RMDN2: variants seen among roughly 807,000 people sequenced by gnomAD.
RMDN2 encodes the protein regulator of microtubule dynamics 2, also known as regulator of microtubule dynamics protein 2.
A neutral mutation model predicts 52.8 loss-of-function variants in RMDN2; 61 were observed. The observed-to-expected ratio is 1.16, with a 90% CI of 0.94 to 1.43. The LOEUF (loss-of-function observed/expected upper bound fraction) is 1.43. RMDN2 is among the 40% of genes most tolerant of loss of function. RMDN2 has a pLI of 0.00. For missense variants in RMDN2, 592 were observed against 475.3 expected (o/e 1.25, Z -2.28); for synonymous variants, 180 against 153.1 (o/e 1.18, Z -1.30).
chr2:38,012,617 G>A, intron 10 of RMDN2: 2 of 467,418 alleles, frequency 4.3e-6, no homozygotes. Flanking sequence ...GTCTCCATTT[G>A]TATTCTTAGC....
chr2:38,040,958 A>G (rs1573213674), intron 10 of RMDN2, among the ~76,000 whole-genome samples: 2 of 152,214 alleles, frequency 1.3e-5, no homozygotes, highest in South Asian at 2.1e-4. Flanking sequence ...TTACCTAGGT[A>G]TTTCATTTTT....
chr2:38,041,471 A>G (rs1254525162), intron 10 of RMDN2, among the ~76,000 whole-genome samples: 5 of 122,864 alleles, frequency 4.1e-5, no homozygotes, highest in African/African-American at 6.4e-5. Context: ...CAGGACTTCC[A>G]ATATGATGTT....
intron 5 of RMDN2, among the ~76,000 whole-genome samples, chr2:37,988,147 T>G (rs533027736): frequency 1.3e-5 from 2 of 152,358 alleles, no homozygotes; most frequent in East Asian, 3.9e-4. Context: ...TCAGTTTTGC[T>G]GAGAACCTAA....
intron 10 of RMDN2, among the ~76,000 whole-genome samples, chr2:38,037,012 CA>C (rs1336825598): frequency 6.6e-6 from 1 of 152,142 alleles, no homozygotes; most frequent in East Asian, 1.9e-4. Context: ...TTTGTCATTG[CA>C]GTTCATTTAT....
chr2:37,952,378 G>T, intron 2 of RMDN2: 1 of 592,302 alleles, frequency 1.7e-6, no homozygotes, highest in Admixed American at 3.2e-5. Flanking sequence ...AGTTTTGAAA[G>T]TTAGTTTACT....
intron 2 of RMDN2, among the ~76,000 whole-genome samples, chr2:37,938,591 G>A (rs899976421): frequency 6.5e-4 from 99 of 152,172 alleles, no homozygotes; most frequent in African/African-American, 1.9e-3. Flanking sequence ...TGGTCTATTC[G>A]GGGATTTGAC....
At chr2:38,060,277 C>T (rs1026724879) in intron 10 of RMDN2, among the ~76,000 whole-genome samples, 5 of 151,938 alleles carry the variant, frequency 3.3e-5, no homozygotes, top group African/African-American at 9.7e-5. Flanking sequence ...CCTTGATAGA[C>T]GTTTCCAGAG....
intron 2 of RMDN2, among the ~76,000 whole-genome samples, chr2:37,953,490 G>A (rs1669092379): frequency 6.6e-6 from 1 of 152,020 alleles, no homozygotes; most frequent in East Asian, 1.9e-4. Flanking sequence ...ATGTCCTCAA[G>A]CTTCATCCAT....
At chr2:37,949,619 T>C (rs1668538732) in intron 2 of RMDN2, among the ~76,000 whole-genome samples, 1 of 152,090 alleles carries the variant, frequency 6.6e-6, no homozygotes, top group Non-Finnish European at 1.5e-5. Context: ...AATCCGACCA[T>C]TGTATGGTGA....
chr2:38,009,693 G>T (rs934452705), intron 10 of RMDN2, among the ~76,000 whole-genome samples: 14 of 152,196 alleles, frequency 9.2e-5, no homozygotes, highest in Admixed American at 6.5e-5. Flanking sequence ...ATCGTCTGAA[G>T]CCTTCTTCTC....
intron 4 of RMDN2, among the ~76,000 whole-genome samples, chr2:37,977,591 C>G (rs1170864688): frequency 6.6e-6 from 1 of 151,936 alleles, no homozygotes; most frequent in Non-Finnish European, 1.5e-5. Context: ...CGGAGGGGCT[C>G]CTCACTTCTC....
chr2:38,005,292 G>A (rs1166333297), intron 10 of RMDN2, among the ~76,000 whole-genome samples: 4 of 152,206 alleles, frequency 2.6e-5, no homozygotes, highest in South Asian at 2.1e-4. Flanking sequence ...CTTGCACAAC[G>A]GTTGAACTAG....
intron 2 of RMDN2, among the ~76,000 whole-genome samples, chr2:37,955,851 A>G (rs532603594): frequency 6.6e-6 from 1 of 152,298 alleles, no homozygotes; most frequent in South Asian, 2.1e-4. Flanking sequence ...CAGGTATATT[A>G]CATTGGCTGA....
chr2:37,971,425 G>A (rs1043403147), intron 2 of RMDN2, among the ~76,000 whole-genome samples: 1 of 152,052 alleles, frequency 6.6e-6, no homozygotes, highest in Non-Finnish European at 1.5e-5. Context: ...ATTTTGAATA[G>A]ATGATCCATA....
chr2:38,020,455 C>T (rs1464993601), downstream of RMDN2, among the ~76,000 whole-genome samples: 1 of 152,226 alleles, frequency 6.6e-6, no homozygotes, highest in Non-Finnish European at 1.5e-5. Context: ...TGTGGGAGCC[C>T]CTTCCTGAGC....
At chr2:38,044,139 T>C (rs1426215859) in intron 10 of RMDN2, among the ~76,000 whole-genome samples, 1 of 152,050 alleles carries the variant, frequency 6.6e-6, no homozygotes, top group African/African-American at 2.4e-5. Flanking sequence ...TTTTCCTTCA[T>C]TTTGAGGGAT....
chr2:38,005,897 A>C (rs1558540987), intron 10 of RMDN2, among the ~76,000 whole-genome samples: 1 of 152,174 alleles, frequency 6.6e-6, no homozygotes, highest in Non-Finnish European at 1.5e-5. Flanking sequence ...TAAGGAAGGG[A>C]TCCAGTTTCA....
intron 10 of RMDN2, among the ~76,000 whole-genome samples, chr2:38,048,843 C>T (rs1681426932): frequency 6.6e-6 from 1 of 152,222 alleles, no homozygotes; most frequent in Non-Finnish European, 1.5e-5. Flanking sequence ...AACTACAAAT[C>T]TATGAGTTGG....
intron 4 of RMDN2, 85 bp downstream of exon 4, chr2:37,975,399 C>G: frequency 1.3e-6 from 1 of 769,170 alleles, no homozygotes; most frequent in Non-Finnish European, 2.2e-6. Flanking sequence ...GAGTTCATGT[C>G]CTTTGCAGGG....
Sources: allele counts gnomAD v4.1 joint callset (sites outside exome capture counted in the v4.1 genomes callset), GRCh38; gene constraint gnomAD v4.1.1; transcripts MANE v1.5; gene names NCBI Gene and HGNC (gene_info 2026-07-23, HGNC 2026-07-21).